The following SMG9 variants were observed in gnomAD, a reference collection of about 807,000 sequenced individuals.
SMG9 encodes SMG9 nonsense mediated mRNA decay factor, also known as nonsense-mediated mRNA decay factor SMG9.
Under a neutral mutation model 64.0 loss-of-function variants are expected in SMG9, and 55 were observed. The observed-to-expected ratio is 0.86, with a 90% confidence interval of 0.69 to 1.08. SMG9 has a LOEUF of 1.08. SMG9 is among the 50% of genes least tolerant of loss of function. The pLI, the probability that SMG9 is intolerant of heterozygous loss-of-function variation, is 0.00. For synonymous variants in SMG9, 244 were observed against 254.8 expected (o/e 0.96, Z 0.41); for missense variants, 554 against 681.3 (o/e 0.81, Z 2.08).
At chr19:43,748,551 G>A (rs1259858710) in intron 2 of SMG9, 14 of 460,958 alleles carry the variant, frequency 3.0e-5, no homozygotes, top group Admixed American at 2.3e-5. Flanking sequence ...ACACATGGCA[G>A]GTGCTCACTA....
At chr19:43,735,093 T>C (rs976854652) in intron 9 of SMG9, among the ~76,000 whole-genome samples, 4 of 152,234 alleles carry the variant, frequency 2.6e-5, no homozygotes, top group African/African-American at 9.6e-5. Context: ...TTCTGCCTTA[T>C]CCAGACTGTC....
At chr19:43,732,684 T>G in intron 13 of SMG9, 174 bp downstream of exon 13, 1 of 721,614 alleles carries the variant, frequency 1.4e-6, no homozygotes, top group East Asian at 2.8e-5. Context: ...AACAGCATGT[T>G]GCCACATGGG....
intron 13 of SMG9, chr19:43,732,606 C>T (rs1017493433): frequency 3.9e-6 from 2 of 508,650 alleles, no homozygotes; most frequent in Non-Finnish European, 3.5e-6. Context: ...CTAAATTTCC[C>T]CACCAGGAAA....
At chr19:43,734,551 G>C (rs1282735096) in intron 9 of SMG9, 56 bp from the exon 10 acceptor site, 2 of 1,200,682 alleles carry the variant, frequency 1.7e-6, no homozygotes, top group African/African-American at 1.5e-5. Context: ...AGGTCCCACA[G>C]CCTGGGACAG....
In SMG9 at chr19:43,734,401, A is replaced by C. The variant is rs779815214; in HGVS notation, c.1090T>G (p.Tyr364Asp). 1.9e-6 allele frequency: 3 copies of C among 1,554,360 alleles called. No individual in the cohort carries two copies. The highest frequency in any genetic ancestry group is 2.6e-6 in the Non-Finnish European group (3 of 1,148,296). The change falls in exon 10 of 14, where the codon TAC becomes GAC. Residue 364 changes from tyrosine (Y) to aspartate (D), a missense_variant. Coordinates refer to ENST00000270066, the MANE Select transcript of SMG9 (RefSeq NM_019108.4). ...SSGSDEGTEY[Y>D]PHLVFLQNKA... is the part of the protein sequence containing the mutation. ...GAAAGCCTCTCACCTAGGTGGGGGT[A>C]GTACTCGGTGCCTTCATCGGAGCCC...
chr19:43,732,551 T>C, intron 13 of SMG9: 1 of 373,034 alleles, frequency 2.7e-6, no homozygotes, highest in Non-Finnish European at 5.0e-6. Context: ...AAATGACTCC[T>C]AGCCACAGAT....
At chr19:43,749,525 A>T (rs1599659361) in intron 2 of SMG9, among the ~76,000 whole-genome samples, 1 of 152,196 alleles carries the variant, frequency 6.6e-6, no homozygotes, top group East Asian at 1.9e-4. Context: ...AAGAGAGACT[A>T]CGTGTTCTCA....
chr19:43,754,595 C>A (rs1375346706), intron 1 of SMG9, 59 bp downstream of exon 1: 1 of 152,010 alleles, frequency 6.6e-6, no homozygotes, highest in African/African-American at 2.4e-5. Context: ...GCGGGGCCTG[C>A]CGGAGCGCCC....
chr19:43,754,890 C>G lies in SMG9; in HGVS notation c.-243G>C, dbSNP rs937333662. The G allele has an allele frequency of 1.9e-4, 29 of 152,456 alleles. No homozygotes were observed. The highest frequency in any genetic ancestry group is 6.7e-4 in the African/African-American group (28 of 41,588). 9.4% of individuals were successfully genotyped at this position (152,456 alleles called of 1,614,324 possible). A position where few individuals can be genotyped will look rare whatever the true frequency, so the allele number is the denominator to read the frequency against. ...GAAGAGGAGGAGGATGTAACGCGGG[C>G]CCGAGCTGAGATCAGTTCCCTCAGG... On this transcript the variant is annotated 5_prime_UTR_variant, in exon 1 of 14. Coordinates refer to ENST00000270066, the MANE Select transcript of SMG9 (RefSeq NM_019108.4).
At position 43,729,062 on chromosome 19, in the gene SMG9, G is replaced by T; in HGVS notation, c.*2534C>A. On this transcript the variant is annotated 3_prime_UTR_variant, in exon 14 of 14. Transcript: ENST00000270066. ...CCTGAGTCCTCTGCTGGATGTAAAG[G>T]GGGTGGCGGGTGACCGGTACATACT... The T allele has an allele frequency of 1.0e-6, 1 of 985,164 alleles. No individual in the cohort carries two copies. Among genetic ancestry groups the T allele is most frequent in the South Asian group, 4.7e-5 (1 of 21,282 alleles). 61.0% of individuals were successfully genotyped at this position (985,164 alleles called of 1,614,324 possible). A position where few individuals can be genotyped will look rare whatever the true frequency, so the allele number is the denominator to read the frequency against.
rs776563991 is a variant in SMG9, at chr19:43,737,601, A to G, written c.991T>C (p.Tyr331His). 3.1e-6 allele frequency: 5 copies of G among 1,613,418 alleles called. No individual in the cohort carries two copies. The South Asian group carries it at 4.4e-5, about 14-fold the overall frequency. The change falls in exon 9 of 14, where the codon TAC becomes CAC. Residue 331 changes from tyrosine to histidine, a missense_variant. Transcript: ENST00000270066. ...VQDWFTDLSL[Y>H]RFLQTAEMVK... Reference sequence around the variant, plus strand: ...TCCAACCCCTCAGCTCCTCACCTGTAGAGACTGAGGTCTGTGAACCAGTCC... The same window carrying G: ...TCCAACCCCTCAGCTCCTCACCTGTGGAGACTGAGGTCTGTGAACCAGTCC...
Position 43,733,470 on chromosome 19 carries a change from T to A in SMG9, c.1211-18A>T. 6.2e-7 allele frequency: 1 copy of A among 1,613,734 alleles called. No homozygotes were observed. The highest frequency in any genetic ancestry group is 1.7e-5 in the Admixed American group (1 of 60,004). ...CAGAGTTCCTGGAGGAGAAAACGCT[T>A]CAGCCTTCAGGTACCATGTTGTGGG... On this transcript the variant is annotated intron_variant, in intron 11 of 13. Transcript: ENST00000270066.
At chr19:43,746,213 G>A (rs1599654878) in intron 5 of SMG9, among the ~76,000 whole-genome samples, 1 of 152,164 alleles carries the variant, frequency 6.6e-6, no homozygotes, top group Non-Finnish European at 1.5e-5. Flanking sequence ...AGGATTTAAC[G>A]TGCTTTAACA....
chr19:43,728,811 G>A lies in SMG9; in HGVS notation c.*2785C>T. On this transcript the variant is annotated 3_prime_UTR_variant, in exon 14 of 14. Coordinates refer to ENST00000270066, the MANE Select transcript of SMG9 (RefSeq NM_019108.4). The stretch of plus-strand genomic sequence containing the variant: ...CTCCAGTGTAGAAGCTGATTGAGCG[G>A]TGCTCATGTTTCCTGCAGTGGAGGG... The A allele has an allele frequency of 5.3e-6, 1 of 190,072 alleles. No homozygotes were observed. Among genetic ancestry groups the A allele is most frequent in the Non-Finnish European group, 9.7e-6 (1 of 102,612 alleles). The allele number at this position is 190,072 out of a possible 1,614,324, so 11.8% of individuals were successfully genotyped here. A position where few individuals can be genotyped will look rare whatever the true frequency, so the allele number is the denominator to read the frequency against.
At position 43,733,713 on chromosome 19, in the gene SMG9, G is replaced by A. The variant is rs756419567; in HGVS notation, c.1123C>T (p.Arg375Cys). The A allele has an allele frequency of 1.2e-5, 19 of 1,614,010 alleles. No individual in the cohort carries two copies. Among genetic ancestry groups the A allele is most frequent in the Admixed American group, 3.3e-5 (2 of 59,996 alleles). Residue 375 changes from arginine (R) to cysteine (C), a missense_variant, in exon 11 of 14, where the codon CGC (arginine) becomes TGC (cysteine). By Grantham distance (180) the Arg-to-Cys change is radical. Transcript: ENST00000270066. ...PHLVFLQNKA[R>C]REDFCPRKLR... ...TTCCGAGGACAGAAGTCCTCTCGGC[G>A]AGCTTTGTTCTGCAAGAAGACTGAG...
At chr19:43,737,089 C>A (rs1431079365) in intron 9 of SMG9, among the ~76,000 whole-genome samples, 1 of 152,138 alleles carries the variant, frequency 6.6e-6, no homozygotes, top group Non-Finnish European at 1.5e-5. Context: ...GCCTAGCCAA[C>A]ATGGTGAAAC....
chr19:43,733,474 C>T (rs774822722), intron 11 of SMG9, 22 bp from the exon 12 acceptor site: 2 of 1,613,338 alleles, frequency 1.2e-6, no homozygotes, highest in South Asian at 2.2e-5. Context: ...AACGCTTCAG[C>T]CTTCAGGTAC....
intron 12 of SMG9, 23 bp downstream of exon 12, chr19:43,733,301 G>A: frequency 6.2e-7 from 1 of 1,612,728 alleles, no homozygotes; most frequent in Non-Finnish European, 8.5e-7. Flanking sequence ...GTCTCTCCAT[G>A]AACCTGTTGA....
At chr19:43,733,229 G>A in intron 12 of SMG9, 95 bp downstream of exon 12, 2 of 1,523,476 alleles carry the variant, frequency 1.3e-6, no homozygotes, top group Non-Finnish European at 1.8e-6. Context: ...CCAAACCAGG[G>A]CAACCCATGT....
Sources: gnomAD v4.1 joint callset for allele counts (sites outside exome capture counted in the v4.1 genomes callset) on GRCh38, gnomAD v4.1.1 for gene constraint, MANE v1.5 for transcripts, NCBI Gene and HGNC (gene_info 2026-07-23, HGNC 2026-07-21) for gene names.